Variants in SDR42E2 observed in about 807,000 individuals in gnomAD.
The protein encoded by SDR42E2 is short chain dehydrogenase/reductase family 42E, member 2, also known as putative short-chain dehydrogenase/reductase family 42E member 2.
In SDR42E2, 20 loss-of-function variants were observed where a neutral mutation model predicts 10.5. The ratio of observed to expected loss-of-function variants is 1.90; its 90% CI spans 1.34 to 2.77. The LOEUF (loss-of-function observed/expected upper bound fraction) is 2.77, where lower values mean the gene tolerates loss of function less well. Ranked by LOEUF, SDR42E2 falls within the 30% of genes most tolerant of loss-of-function variation. SDR42E2 has a pLI of 0.00. For synonymous variants in SDR42E2, 72 were observed against 39.2 expected (o/e 1.84, Z -3.12); for missense variants, 162 against 104.2 (o/e 1.55, Z -2.42).
chr16:22,165,249 G>A (rs932564926), intron 1 of SDR42E2, among the ~76,000 whole-genome samples: 3 of 152,074 alleles, frequency 2.0e-5, no homozygotes, highest in Admixed American at 6.6e-5. Context: ...CACTACACCC[G>A]GCTAATTTTT....
At position 22,191,516 on chromosome 16, in the gene SDR42E2, A is replaced by C. The variant is rs1282499703; in HGVS notation, c.*1123A>C. 1.3e-5 allele frequency: 2 copies of C among 152,032 alleles called. No homozygotes were observed. The highest frequency in any genetic ancestry group is 2.9e-5 in the Non-Finnish European group (2 of 67,998). The allele number at this position is 152,032 out of a possible 1,614,324, so 9.4% of individuals were successfully genotyped here. ...CATTGCATTCGATCCACCCCGACCCAATGTTCTGGGCTTCTCATTCACACA... is the reference window on the plus strand; with the variant it reads ...CATTGCATTCGATCCACCCCGACCCCATGTTCTGGGCTTCTCATTCACACA... On this transcript the variant is annotated 3_prime_UTR_variant, in exon 13 of 13. Transcript: ENST00000602312.
intron 1 of SDR42E2, among the ~76,000 whole-genome samples, chr16:22,165,263 T>C (rs1235875719): frequency 3.3e-5 from 5 of 152,146 alleles, no homozygotes; most frequent in Non-Finnish European, 7.3e-5. Context: ...AATTTTTGTA[T>C]TTTCAGTAGA....
intron 8 of SDR42E2, among the ~76,000 whole-genome samples, chr16:22,179,823 A>AG (rs1016587641): frequency 9.9e-5 from 15 of 151,734 alleles, no homozygotes; most frequent in Non-Finnish European, 1.8e-4. Context: ...CAAAAAAAAA[A>AG]AAAAAAAGAA....
intron 7 of SDR42E2, among the ~76,000 whole-genome samples, chr16:22,177,053 C>A (rs1004159149): frequency 2.6e-5 from 4 of 152,200 alleles, no homozygotes; most frequent in African/African-American, 9.6e-5. Context: ...TGCCTTACTG[C>A]TGAGAAGCGG....
chr16:22,172,550 G>T (rs572248757), intron 7 of SDR42E2, among the ~76,000 whole-genome samples: 18 of 152,336 alleles, frequency 1.2e-4, no homozygotes, highest in African/African-American at 4.1e-4. Context: ...CAGGCCCAGT[G>T]TCTGCCCTTA....
At chr16:22,186,836 T>TCCCTCCCTTCCTACCTCTCCCCCCCCCCC (rs1567246122) in intron 12 of SDR42E2, 42 bp downstream of exon 12, 1 of 390,954 alleles carries the variant, frequency 2.6e-6, no homozygotes, top group Non-Finnish European at 4.5e-6. Context: ...CTGCTCCCCA[T>TCCCTCCCTTCCTACCTCTCCCCCCCCCCC]CCCTCCCTTC....
intron 6 of SDR42E2, among the ~76,000 whole-genome samples, chr16:22,171,752 G>A (rs560843062): frequency 7.9e-5 from 12 of 151,996 alleles, no homozygotes; most frequent in East Asian, 1.9e-4. Flanking sequence ...GGCTGGTCTC[G>A]AACTCCTGGG....
intron 8 of SDR42E2, among the ~76,000 whole-genome samples, chr16:22,178,614 A>G (rs750160463): frequency 9.9e-5 from 15 of 152,204 alleles, no homozygotes; most frequent in Non-Finnish European, 1.3e-4. Flanking sequence ...AAGGGGCTAT[A>G]GGCCCTGTCC....
At chr16:22,168,296 C>T (rs541830958) in intron 4 of SDR42E2, among the ~76,000 whole-genome samples, 7 of 151,962 alleles carry the variant, frequency 4.6e-5, no homozygotes, top group South Asian at 2.1e-4. Context: ...GACGGAGTTT[C>T]GCTCAGTCAC....
intron 1 of SDR42E2, among the ~76,000 whole-genome samples, chr16:22,165,175 C>A (rs2046524616): frequency 6.6e-6 from 1 of 152,174 alleles, no homozygotes; most frequent in Non-Finnish European, 1.5e-5. Flanking sequence ...GCAACCTCCG[C>A]CTTCCAGGTT....
intron 6 of SDR42E2, among the ~76,000 whole-genome samples, chr16:22,171,181 C>A (rs2046597307): frequency 6.6e-6 from 1 of 152,220 alleles, no homozygotes; most frequent in Non-Finnish European, 1.5e-5. Flanking sequence ...CGCATTCTAC[C>A]CATGTGACCC....
In SDR42E2 at chr16:22,190,461, C is replaced by A. The variant is rs1193833857; in HGVS notation, c.*68C>A. 7.5e-6 allele frequency: 3 copies of A among 400,612 alleles called. No individual in the cohort carries two copies. The highest frequency in any genetic ancestry group is 2.1e-5 in the African/African-American group (1 of 48,720). 24.8% of individuals were successfully genotyped at this position (400,612 alleles called of 1,614,324 possible). ...CCTCGCCCACGCCCGGCTCCCTGGG[C>A]TTGTACCAGCCCCTGCCCCGCCTTC... On this transcript the variant is annotated 3_prime_UTR_variant, in exon 13 of 13. Coordinates refer to ENST00000602312, the MANE Select transcript of SDR42E2 (RefSeq NM_001394319.2).
At chr16:22,172,866 A>G (rs1424445875) in intron 7 of SDR42E2, among the ~76,000 whole-genome samples, 1 of 152,070 alleles carries the variant, frequency 6.6e-6, no homozygotes, top group Non-Finnish European at 1.5e-5. Flanking sequence ...CTGCAGCCTC[A>G]AACTCCTGGG....
Position 22,186,730 on chromosome 16 carries a change from T to C in SDR42E2, c.950T>C (p.Met317Thr), listed in dbSNP as rs2046739058. Residue 317 changes from methionine to threonine, a missense_variant, in exon 12 of 13, where the codon ATG becomes ACG. Physicochemically the swap from Met to Thr is moderately conservative, Grantham distance 81. Coordinates refer to ENST00000602312, the MANE Select transcript of SDR42E2 (RefSeq NM_001394319.2). ...TSWVYLTAAVMERLHLALRPI... is the reference protein window; with the variant it reads ...TSWVYLTAAVTERLHLALRPI... Reference sequence around the variant, plus strand: ...CCCTCCTTCCCTGCAGCAGCAGTTATGGAGCGCCTCCATCTGGCCCTGAGA... The same window carrying C: ...CCCTCCTTCCCTGCAGCAGCAGTTACGGAGCGCCTCCATCTGGCCCTGAGA... 1 of 400,956 alleles carries C rather than the reference T, an allele frequency of 2.5e-6. No individual in the cohort carries two copies. The highest frequency in any genetic ancestry group is 4.4e-5 in the Admixed American group (1 of 22,706). The allele number at this position is 400,956 out of a possible 1,614,324, so 24.8% of individuals were successfully genotyped here.
chr16:22,183,508 G>A (rs571899712), intron 10 of SDR42E2, among the ~76,000 whole-genome samples: 14 of 152,292 alleles, frequency 9.2e-5, no homozygotes, highest in East Asian at 1.9e-4. Context: ...ACGGCAGCCC[G>A]GGAACTCTGG....
At chr16:22,176,269 C>A (rs1184178038) in intron 7 of SDR42E2, among the ~76,000 whole-genome samples, 2 of 152,118 alleles carry the variant, frequency 1.3e-5, no homozygotes, top group Non-Finnish European at 2.9e-5. Context: ...TAGGTGCACA[C>A]CATGGTGCCT....
rs117997937 is a variant in SDR42E2, at chr16:22,185,796, G to A, written c.941-925G>A. Among the ~76,000 whole-genome samples, 177 of 152,088 alleles carry A rather than the reference G, an allele frequency of 1.2e-3. 1 individual carries two copies. In the East Asian group the frequency reaches 0.032, roughly 27 times the overall value. On this transcript the variant is annotated intron_variant, in intron 11 of 12. Transcript: ENST00000602312. ...TAATTTTTATACTTTAGTAGAGATGGGGGTCTTGCTATGTTACCCCAGCTG... is the reference window on the plus strand; with the variant it reads ...TAATTTTTATACTTTAGTAGAGATGAGGGTCTTGCTATGTTACCCCAGCTG...
intron 11 of SDR42E2, among the ~76,000 whole-genome samples, chr16:22,185,222 AG>A (rs1219788833): frequency 1.3e-5 from 2 of 152,086 alleles, no homozygotes; most frequent in Non-Finnish European, 2.9e-5. Context: ...GACCAGCCTG[AG>A]GGGATGGTGG....
At chr16:22,183,532 C>T (rs1196485779) in intron 10 of SDR42E2, among the ~76,000 whole-genome samples, 1 of 152,200 alleles carries the variant, frequency 6.6e-6, no homozygotes, top group Admixed American at 6.5e-5. Flanking sequence ...CCTCTCTGAG[C>T]AGCCCAGACT....
Sources: allele counts gnomAD v4.1 joint callset (sites outside exome capture counted in the v4.1 genomes callset), GRCh38; gene constraint gnomAD v4.1.1; transcripts MANE v1.5; gene names NCBI Gene and HGNC (gene_info 2026-07-23, HGNC 2026-07-21).